EFCAB9: variants seen among roughly 807,000 people sequenced by gnomAD.
EFCAB9 encodes the protein EF-hand calcium binding domain 9.
In EFCAB9, 16 loss-of-function variants were observed where a neutral mutation model predicts 15.6. The ratio of observed to expected loss-of-function variants is 1.03; its 90% confidence interval spans 0.69 to 1.56. EFCAB9 has a LOEUF of 1.56. Ranked by LOEUF, EFCAB9 falls within the 40% of genes most tolerant of loss-of-function variation. EFCAB9 has a pLI of 0.00. For missense variants in EFCAB9, 208 were observed against 235.4 expected, an observed-to-expected ratio of 0.88 and a Z score of 0.76; for synonymous variants, 76 against 85.4, an observed-to-expected ratio of 0.89 and a Z score of 0.61.
chr5:172,200,765 G>A (rs1319088246), intron 3 of EFCAB9, 23 bp downstream of exon 3: 1 of 1,527,288 alleles, frequency 6.5e-7, no homozygotes, highest in South Asian at 1.2e-5. Flanking sequence ...CCAAAATGTG[G>A]CATGTGTGTG....
At chr5:172,195,735 TG>T (rs1771148914) in intron 1 of EFCAB9, among the ~76,000 whole-genome samples, 1 of 152,196 alleles carries the variant, frequency 6.6e-6, no homozygotes, top group African/African-American at 2.4e-5. Flanking sequence ...TGCCTTCCTG[TG>T]GGGGAATGAC....
chr5:172,203,101 T>C (rs1771284006), intron 3 of EFCAB9, 113 bp from the exon 4 acceptor site: 2 of 1,024,294 alleles, frequency 2.0e-6, no homozygotes, highest in East Asian at 5.4e-5. Context: ...AATTACTGAG[T>C]GTCTTTAATT....
At chr5:172,201,790 C>A (rs899319571) in intron 3 of EFCAB9, among the ~76,000 whole-genome samples, 2 of 152,066 alleles carry the variant, frequency 1.3e-5, no homozygotes, top group African/African-American at 4.8e-5. Context: ...GGGAGGATCG[C>A]TTGAGCCCAG....
rs529664781 is a variant in EFCAB9, at chr5:172,199,021, C to G, written c.137-362C>G. Reference sequence around the variant, plus strand: ...TTCTCAGTCCCCAGTGAGAATTAAGCTCTCCTTTCATACATAAGGAGCACT... The same window carrying G: ...TTCTCAGTCCCCAGTGAGAATTAAGGTCTCCTTTCATACATAAGGAGCACT... On this transcript the variant is annotated intron_variant, in intron 1 of 3. Transcript: ENST00000398186. 2.0e-5 allele frequency among the ~76,000 whole-genome samples: 3 copies of G among 152,342 alleles called. No homozygotes were observed. In the South Asian group the frequency reaches 6.2e-4, roughly 32 times the overall value.
Position 172,200,987 on chromosome 5 carries a change from C to T in EFCAB9, c.462+245C>T, listed in dbSNP as rs532624690. ...GGGGCTCATGCCTGTAATCCCAGGA[C>T]TTTGGGAGGCTGAGGCAGGAAGATC... On this transcript the variant is annotated intron_variant, in intron 3 of 3. Transcript: ENST00000398186. Among the ~76,000 whole-genome samples the T allele has an allele frequency of 3.9e-5, 6 of 152,126 alleles. No individual in the cohort carries two copies. The East Asian group carries it at 5.8e-4, about 15-fold the overall frequency.
intron 1 of EFCAB9, 122 bp from the exon 2 acceptor site, chr5:172,199,261 T>C: frequency 2.4e-6 from 3 of 1,231,260 alleles, no homozygotes; most frequent in Non-Finnish European, 3.3e-6. Context: ...AACAAAATAT[T>C]ATCATCATTC....
intron 1 of EFCAB9, among the ~76,000 whole-genome samples, chr5:172,198,295 G>T (rs112130481): frequency 0.1 from 15,880 of 152,084 alleles, 841 homozygotes; most frequent in Admixed American, 0.14. Flanking sequence ...GATTGCTTGA[G>T]CCCAGGAGTT....
intron 2 of EFCAB9, among the ~76,000 whole-genome samples, chr5:172,200,038 T>C (rs769597653): frequency 6.9e-6 from 1 of 143,974 alleles, no homozygotes; most frequent in Non-Finnish European, 1.5e-5. Flanking sequence ...CTGGGTTCAA[T>C]AGATCAAGTA....
chr5:172,197,680 A>C (rs966084183), intron 1 of EFCAB9, among the ~76,000 whole-genome samples: 1 of 152,158 alleles, frequency 6.6e-6, no homozygotes, highest in Non-Finnish European at 1.5e-5. Flanking sequence ...TTCAAGATAA[A>C]GCCACAGACC....
At chr5:172,201,219 T>C (rs1028940220) in intron 3 of EFCAB9, among the ~76,000 whole-genome samples, 1 of 151,542 alleles carries the variant, frequency 6.6e-6, no homozygotes, top group African/African-American at 2.4e-5. Context: ...CTACTAAAAA[T>C]ACAAAATCAG....
At chr5:172,198,909 T>C (rs1771206766) in intron 1 of EFCAB9, among the ~76,000 whole-genome samples, 1 of 152,210 alleles carries the variant, frequency 6.6e-6, no homozygotes, top group South Asian at 2.1e-4. Flanking sequence ...CTACTGTGCC[T>C]GGCCGAAGGG....
chr5:172,203,305 A>C lies in EFCAB9; in HGVS notation c.554A>C (p.Glu185Ala). 1 of 1,536,620 alleles carries C rather than the reference A, an allele frequency of 6.5e-7. No homozygotes were observed. Among genetic ancestry groups the C allele is most frequent in the Non-Finnish European group, 8.7e-7 (1 of 1,146,734 alleles). ...AAAACAGAGGAGAAAGAAAAAGGAG[A>C]GAGAAAGAGAAGTCTCTACTCAAAA... Reference protein sequence around the residue: ...RQKTEEKEKGERKRSLYSKCH... With the variant: ...RQKTEEKEKGARKRSLYSKCH... The change falls in exon 4 of 4, where the codon GAG becomes GCG. Residue 185 changes from glutamate (E) to alanine (A), a missense_variant. Coordinates refer to ENST00000398186, the MANE Select transcript of EFCAB9 (RefSeq NM_001171183.2).
At chr5:172,199,865 C>T (rs7731138) in intron 2 of EFCAB9, among the ~76,000 whole-genome samples, 107,545 of 150,638 alleles carry the variant, frequency 0.71, 38,792 homozygotes, top group African/African-American at 0.82. Flanking sequence ...TGATCCTTTT[C>T]CTCAGAGAAC....
intron 2 of EFCAB9, among the ~76,000 whole-genome samples, chr5:172,199,932 CTTTTTT>C (rs34086491): frequency 2.0e-5 from 2 of 102,334 alleles, no homozygotes; most frequent in East Asian, 3.2e-4. Context: ...ACCCAGTTTC[CTTTTTT>C]TTTTTTTTTT....
chr5:172,194,339 T>G, intron 1 of EFCAB9, 31 bp downstream of exon 1: 1 of 1,534,114 alleles, frequency 6.5e-7, no homozygotes, highest in Non-Finnish European at 8.7e-7. Flanking sequence ...CTCCTCTGGG[T>G]CCTTACCTGG....
Position 172,203,387 on chromosome 5 carries a change from G to A in EFCAB9, c.*42G>A. The A allele has an allele frequency of 6.6e-7, 1 of 1,511,388 alleles. No individual in the cohort carries two copies. The highest frequency in any genetic ancestry group is 8.8e-7 in the Non-Finnish European group (1 of 1,137,688). The allele number at this position is 1,511,388 out of a possible 1,614,324, so 93.6% of individuals were successfully genotyped here. A position where few individuals can be genotyped will look rare whatever the true frequency, so the allele number is the denominator to read the frequency against. ...TCTTGGAAAAAAATGGGATCTGAAAGTACAGAACATGAACATTGATGAAGA... is the reference window on the plus strand; with the variant it reads ...TCTTGGAAAAAAATGGGATCTGAAAATACAGAACATGAACATTGATGAAGA... On this transcript the variant is annotated 3_prime_UTR_variant, in exon 4 of 4. Transcript: ENST00000398186.
At chr5:172,199,897 G>A (rs10062739) in intron 2 of EFCAB9, among the ~76,000 whole-genome samples, 19,340 of 144,384 alleles carry the variant, frequency 0.13, 2,337 homozygotes, top group African/African-American at 0.32. Context: ...TTTTCTTACC[G>A]TATATACATT....
intron 2 of EFCAB9, among the ~76,000 whole-genome samples, chr5:172,199,886 C>A (rs7731151): frequency 0.43 from 63,503 of 147,234 alleles, 15,295 homozygotes; most frequent in African/African-American, 0.67. Context: ...CTTCTGAGGT[C>A]TTTTCTTACC....
chr5:172,200,294 T>C (rs918181330), intron 2 of EFCAB9, among the ~76,000 whole-genome samples: 1 of 152,136 alleles, frequency 6.6e-6, no homozygotes, highest in Non-Finnish European at 1.5e-5. Context: ...AGACTTTCAC[T>C]GAAGGTAAGG....
Sources: gnomAD v4.1 joint callset for allele counts (sites outside exome capture counted in the v4.1 genomes callset) on GRCh38, gnomAD v4.1.1 for gene constraint, MANE v1.5 for transcripts, NCBI Gene and HGNC (gene_info 2026-07-23, HGNC 2026-07-21) for gene names.